WRAP73: variants seen among roughly 807,000 people sequenced by gnomAD.
WRAP73 encodes the protein WD repeat containing, antisense to TP73.
Under a neutral mutation model 59.6 loss-of-function variants are expected in WRAP73, and 55 were observed. The observed-to-expected ratio is 0.92, with a 90% CI of 0.74 to 1.15. The LOEUF (loss-of-function observed/expected upper bound fraction) is 1.15, where lower values mean the gene tolerates loss of function less well. Among genes scored for constraint, WRAP73 ranks in the 50% most tolerant of loss-of-function variants. WRAP73 has a pLI of 0.00. For missense variants in WRAP73, 592 were observed against 608.1 expected, an observed-to-expected ratio of 0.97 and a Z score of 0.28; for synonymous variants, 265 against 258.2, an observed-to-expected ratio of 1.03 and a Z score of -0.25.
chr1:3,636,313 C>T, intron 5 of WRAP73: 1 of 440,474 alleles, frequency 2.3e-6, no homozygotes, highest in South Asian at 2.3e-5. Context: ...CCTTGCCTGG[C>T]CAGCCCCCGA....
Position 3,637,235 on chromosome 1 carries a change from T to G in WRAP73, c.413-137A>C, listed in dbSNP as rs759595759. ...AGGGAAATGGCACAATGCCGAGCAC[T>G]GCTCCTCAGACAGACAAGAACATTC... On this transcript the variant is annotated intron_variant, in intron 4 of 11. Transcript: ENST00000270708. 2.4e-5 allele frequency: 17 copies of G among 707,780 alleles called. No homozygotes were observed. The South Asian group carries it at 3.0e-4, about 13-fold the overall frequency. 43.8% of individuals were successfully genotyped at this position (707,780 alleles called of 1,614,324 possible). A position where few individuals can be genotyped will look rare whatever the true frequency, so the allele number is the denominator to read the frequency against.
chr1:3,640,415 G>T (rs1158668683), intron 3 of WRAP73, among the ~76,000 whole-genome samples: 2 of 149,220 alleles, frequency 1.3e-5, no homozygotes, highest in African/African-American at 4.9e-5. Flanking sequence ...TGGAGCGCCC[G>T]AGCATCTCAG....
chr1:3,633,865 C>G (rs546090164), intron 8 of WRAP73: 1 of 188,558 alleles, frequency 5.3e-6, no homozygotes, highest in Non-Finnish European at 1.1e-5. Flanking sequence ...GCAGAGGCCC[C>G]GGGAGCAGCA....
intron 3 of WRAP73, among the ~76,000 whole-genome samples, chr1:3,640,014 G>A (rs556632607): frequency 3.9e-5 from 6 of 152,304 alleles, no homozygotes; most frequent in East Asian, 1.9e-4. Context: ...AAATGTCTAC[G>A]CATCATCTCT....
Position 3,635,007 on chromosome 1 carries a change from TC to T in WRAP73, c.805del (p.Asp269IlefsTer4). Reference protein sequence around the residue: ...TEFGHPAAINDPKIVVYKEAE... With the variant: ...TEFGHPAAINXPKIVVYKEAE... Reference sequence around the variant, plus strand: ...GTGTTCCAGACTTACTATCTTGGGATCATTAATGGCTGCAGGATGCCCAAAC... The same window carrying T: ...GTGTTCCAGACTTACTATCTTGGGATATTAATGGCTGCAGGATGCCCAAAC... On this transcript the variant is annotated frameshift_variant, in exon 8 of 12. Transcript: ENST00000270708. LOFTEE classifies it high-confidence loss of function. 6.2e-7 allele frequency: 1 copy of T among 1,614,212 alleles called. No individual in the cohort carries two copies. The highest frequency in any genetic ancestry group is 8.5e-7 in the Non-Finnish European group (1 of 1,180,048).
At position 3,636,038 on chromosome 1, in the gene WRAP73, A is replaced by G; in HGVS notation, c.517-8T>C. 6.2e-7 allele frequency: 1 copy of G among 1,609,668 alleles called. No homozygotes were observed. The highest frequency in any genetic ancestry group is 8.5e-7 in the Non-Finnish European group (1 of 1,176,520). On this transcript the variant is annotated splice_polypyrimidine_tract_variant and splice_region_variant and intron_variant, in intron 5 of 11. Transcript: ENST00000270708. ...GGTGTCCGTATCAAAATGCTTCCAA[A>G]GGAAGGGGGGGAAACATTAAATTTG...
intron 8 of WRAP73, chr1:3,633,926 G>A: frequency 6.0e-6 from 1 of 166,566 alleles, no homozygotes; most frequent in Non-Finnish European, 1.3e-5. Context: ...GGCAAGCAAA[G>A]GACAGCGGCC....
At chr1:3,638,915 C>T (rs537977164) in intron 3 of WRAP73, 93 bp from the exon 4 acceptor site, 2 of 1,401,928 alleles carry the variant, frequency 1.4e-6, no homozygotes, top group African/African-American at 2.8e-5. Context: ...TCCCCAAGCA[C>T]AGGCCTGACT....
intron 6 of WRAP73, chr1:3,635,498 T>C (rs1644581421): frequency 1.5e-6 from 1 of 685,474 alleles, no homozygotes; most frequent in East Asian, 2.8e-5. Flanking sequence ...AAGGGGAAAT[T>C]GGGAGGTCAA....
intron 3 of WRAP73, among the ~76,000 whole-genome samples, chr1:3,640,709 C>T (rs1012923466): frequency 5.9e-5 from 9 of 151,736 alleles, no homozygotes; most frequent in East Asian, 2.0e-4. Flanking sequence ...GGTGCAGCAA[C>T]GGAGCATCTC....
chr1:3,637,350 T>C (rs575306473), intron 4 of WRAP73, among the ~76,000 whole-genome samples: 24 of 152,330 alleles, frequency 1.6e-4, no homozygotes, highest in Non-Finnish European at 3.1e-4. Context: ...GGAGCCGGTT[T>C]GCAAGGCTCT....
At position 3,631,506 on chromosome 1, in the gene WRAP73, C is replaced by CCA; in HGVS notation, c.1198_1199dup (p.Trp400CysfsTer27). 6.2e-7 allele frequency: 1 copy of CCA among 1,609,264 alleles called. No individual in the cohort carries two copies. Among genetic ancestry groups the CCA allele is most frequent in the East Asian group, 2.2e-5 (1 of 44,764 alleles). ...GCACCGACATGCAGCCCGCTGGGGA[C>CCA]CACAGGTAGAGCCTGCTGCCTCCCG... On this transcript the variant is annotated frameshift_variant, in exon 11 of 12. Transcript: ENST00000270708. LOFTEE classifies it high-confidence loss of function.
chr1:3,642,053 G>C (rs1317476392), intron 3 of WRAP73, among the ~76,000 whole-genome samples: 1 of 152,218 alleles, frequency 6.6e-6, no homozygotes, highest in Admixed American at 6.5e-5. Context: ...ACAGTTAAAA[G>C]TTTGTATGCA....
At chr1:3,649,856 C>T (rs1203431373) in intron 1 of WRAP73, 75 bp downstream of exon 1, 2 of 1,500,618 alleles carry the variant, frequency 1.3e-6, no homozygotes, top group Admixed American at 2.3e-5. Context: ...ACCCACGCGG[C>T]CGCCCCCGGC....
At position 3,646,728 on chromosome 1, in the gene WRAP73, C is replaced by T. The variant is rs766997802; in HGVS notation, c.277G>A (p.Gly93Arg). 38 of 1,610,424 alleles carry T rather than the reference C, an allele frequency of 2.4e-5. No individual in the cohort carries two copies. Among genetic ancestry groups the T allele is most frequent in the African/African-American group, 4.0e-5 (3 of 74,942 alleles). Reference sequence around the variant, plus strand: ...GGGCTCCAGCACGAGGCCACCAGCCCGGCTGAGCCCTCGTCTATTTTGCAG... The same window carrying T: ...GGGCTCCAGCACGAGGCCACCAGCCTGGCTGAGCCCTCGTCTATTTTGCAG... ...WHCKIDEGSA[G>R]LVASCWSPDG... The change falls in exon 3 of 12, where the codon GGG (glycine) becomes AGG (arginine). Residue 93 changes from glycine to arginine, a missense_variant. Transcript: ENST00000270708. This position sits in a 1 kb window ranked among gnomAD's most constrained non-coding sequence, Gnocchi z 5.1.
At chr1:3,632,176 T>C in intron 10 of WRAP73, 37 bp downstream of exon 10, 2 of 1,593,414 alleles carry the variant, frequency 1.3e-6, no homozygotes, top group Non-Finnish European at 1.7e-6. Flanking sequence ...CAGGACACAG[T>C]AAAGGGTGAG....
chr1:3,641,229 C>T (rs1428712958), intron 3 of WRAP73, among the ~76,000 whole-genome samples: 7 of 152,106 alleles, frequency 4.6e-5, no homozygotes, highest in African/African-American at 9.7e-5. Flanking sequence ...CGCTGATCCA[C>T]GCTACGACCC....
intron 10 of WRAP73, 92 bp downstream of exon 10, chr1:3,632,121 C>A: frequency 6.6e-7 from 1 of 1,520,018 alleles, no homozygotes; most frequent in Middle Eastern, 2.2e-4. Context: ...TGTCGGAAAC[C>A]CCCAACTTCA....
At chr1:3,636,284 C>T (rs1644588699) in intron 5 of WRAP73, 2 of 509,358 alleles carry the variant, frequency 3.9e-6, no homozygotes, top group African/African-American at 1.9e-5. Context: ...CTCGTGTGCA[C>T]ACTCTCCCCC....
Sources: gnomAD v4.1 joint callset for allele counts (sites outside exome capture counted in the v4.1 genomes callset) on GRCh38, gnomAD v4.1.1 for gene constraint, Gnocchi (gnomAD v3.1) non-coding constraint, MANE v1.5 for transcripts, NCBI Gene and HGNC (gene_info 2026-07-23, HGNC 2026-07-21) for gene names.